ADORA3: variants seen among roughly 807,000 people sequenced by gnomAD.
ADORA3 encodes adenosine receptor A3.
In ADORA3, 3 loss-of-function variants were observed where a neutral mutation model predicts 5.7. The observed-to-expected ratio is 0.52, with a 90% CI of 0.24 to 1.35. ADORA3 has a LOEUF of 1.35. ADORA3 is among the 40% of genes most tolerant of loss of function. ADORA3 has a pLI of 0.17. For synonymous variants in ADORA3, 168 were observed against 152.3 expected (o/e 1.10, Z -0.76); for missense variants, 343 against 389.0 (o/e 0.88, Z 0.99).
At position 111,503,127 on chromosome 1, in the gene ADORA3, G is replaced by T; in HGVS notation, c.228C>A (p.Ile76=). 6.2e-7 allele frequency: 1 copy of T among 1,614,208 alleles called. No individual in the cohort carries two copies. Among genetic ancestry groups the T allele is most frequent in the Non-Finnish European group, 8.5e-7 (1 of 1,180,036 alleles). ...MPLAIVVSLG[I]TIHFYSCLFM... ...AAAGGCAGCTGTAGAAGTGGATTGTGATGCCCAGGCTGACAACAATGGCCA... is the reference window on the plus strand; with the variant it reads ...AAAGGCAGCTGTAGAAGTGGATTGTTATGCCCAGGCTGACAACAATGGCCA... The change falls in exon 1 of 2, where the codon ATC becomes ATA. Residue 76 remains isoleucine (I), a synonymous_variant. Coordinates refer to ENST00000241356, the MANE Select transcript of ADORA3 (RefSeq NM_000677.4).
chr1:111,502,121 T>C (rs1412226858), intron 1 of ADORA3, among the ~76,000 whole-genome samples: 1 of 97,116 alleles, frequency 1.0e-5, no homozygotes, highest in Admixed American at 1.6e-4. Flanking sequence ...ATAATAAATA[T>C]ATAGGATATA....
chr1:111,502,037 G>GAT (rs1245467928), intron 1 of ADORA3, among the ~76,000 whole-genome samples: 9 of 133,448 alleles, frequency 6.7e-5, no homozygotes, highest in Non-Finnish European at 1.3e-4. Context: ...TTATATATAG[G>GAT]ATATATATTT....
chr1:111,502,923 T>C, intron 1 of ADORA3, 82 bp downstream of exon 1: 9 of 1,522,028 alleles, frequency 5.9e-6, no homozygotes, highest in Non-Finnish European at 8.0e-6. Context: ...GATACATTTT[T>C]ACTCAAAAAG....
Position 111,503,519 on chromosome 1 carries a change from T to A in ADORA3, c.-165A>T, listed in dbSNP as rs2100985534. The A allele has an allele frequency of 2.1e-6, 3 of 1,431,544 alleles. No individual in the cohort carries two copies. The highest frequency in any genetic ancestry group is 9.1e-7 in the Non-Finnish European group (1 of 1,095,260). 88.7% of individuals were successfully genotyped at this position (1,431,544 alleles called of 1,614,324 possible). A position where few individuals can be genotyped will look rare whatever the true frequency, so the allele number is the denominator to read the frequency against. ...CCTACCCTTTTCTGGTGGGGTGATC[T>A]CTTGGAAACCCTTCTCCTTAGAAAG... On this transcript the variant is annotated 5_prime_UTR_variant, in exon 1 of 2. Coordinates refer to ENST00000241356, the MANE Select transcript of ADORA3 (RefSeq NM_000677.4).
At chr1:111,500,823 T>C (rs1012372170) in intron 1 of ADORA3, 2 of 535,858 alleles carry the variant, frequency 3.7e-6, no homozygotes, top group Admixed American at 6.8e-5. Context: ...AACTCTTGAA[T>C]GGATAAGGAG....
chr1:111,502,240 G>GAT lies in ADORA3; in HGVS notation c.350+763_350+764dup, dbSNP rs1353746175. On this transcript the variant is annotated intron_variant, in intron 1 of 1. Transcript: ENST00000241356. ...TATATTTATTATAATGAATATATAG[G>GAT]ATATATTTATTATAATAAATATATA... is the stretch of plus-strand genomic sequence containing the variant. Among the ~76,000 whole-genome samples, 165 of 20,092 alleles carry GAT rather than the reference G, an allele frequency of 8.2e-3. 23 individuals carry two copies. The highest frequency in any genetic ancestry group is 0.12 in the Middle Eastern group (2 of 16). 13.2% of individuals were successfully genotyped at this position (20,092 alleles called of 152,430 possible).
At position 111,503,412 on chromosome 1, in the gene ADORA3, G is replaced by C; in HGVS notation, c.-58C>G. The stretch of plus-strand genomic sequence containing the variant: ...GGTGAGCCAGCAAGATCCGTCTGTA[G>C]GGCCAGTGGGCCTAGCTCTCGCCAG... On this transcript the variant is annotated 5_prime_UTR_variant, in exon 1 of 2. Transcript: ENST00000241356. 6.5e-7 allele frequency: 1 copy of C among 1,536,946 alleles called. No homozygotes were observed.
At chr1:111,500,906 C>G in intron 1 of ADORA3, 1 of 382,398 alleles carries the variant, frequency 2.6e-6, no homozygotes, top group Non-Finnish European at 4.6e-6. Flanking sequence ...CAACTGTTAC[C>G]TATCTTTTCT....
intron 1 of ADORA3, 102 bp downstream of exon 1, chr1:111,502,903 G>A (rs1571416834): frequency 7.0e-7 from 1 of 1,430,688 alleles, no homozygotes; most frequent in African/African-American, 1.4e-5. Flanking sequence ...CAACATCAAG[G>A]GCCAATTTGG....
rs182504753 is a variant in ADORA3, at chr1:111,499,540, C to G, written c.*410G>C. 9.9e-7 allele frequency: 1 copy of G among 1,006,878 alleles called. No homozygotes were observed. The highest frequency in any genetic ancestry group is 1.2e-6 in the Non-Finnish European group (1 of 841,568). The allele number at this position is 1,006,878 out of a possible 1,614,324, so 62.4% of individuals were successfully genotyped here. ...TTCCCAACATCTCCTAGGCATCCTC[C>G]GAGAGCAGGTTCTCTGCTCAATTCC... On this transcript the variant is annotated 3_prime_UTR_variant, in exon 2 of 2. Transcript: ENST00000241356.
chr1:111,500,563 G>A lies in ADORA3; in HGVS notation c.351-7C>T. ...AGTGGTGACCCTCTTGTATCTGTGT[G>A]AATGAAGAGAGTCAGTGAGTCCACA... On this transcript the variant is annotated splice_region_variant and splice_polypyrimidine_tract_variant and intron_variant, in intron 1 of 1. Transcript: ENST00000241356. 6.2e-7 allele frequency: 1 copy of A among 1,612,818 alleles called. No homozygotes were observed. The highest frequency in any genetic ancestry group is 8.5e-7 in the Non-Finnish European group (1 of 1,179,004).
chr1:111,500,323 G>T lies in ADORA3; in HGVS notation c.584C>A (p.Ala195Asp), dbSNP rs753758361. The change falls in exon 2 of 2, where the codon GCC (alanine) becomes GAC (aspartate). Residue 195 changes from alanine to aspartate, a missense_variant. By Grantham distance (126) the Ala-to-Asp change is moderately radical. Transcript: ENST00000241356. ...WIFIPLVVMCAIYLDIFYIIR... is the reference protein window; with the variant it reads ...WIFIPLVVMCDIYLDIFYIIR... Reference sequence around the variant, plus strand: ...GATGTAAAAGATGTCAAGATAGATGGCGCACATGACAACCAGGGGGATGAA... The same window carrying T: ...GATGTAAAAGATGTCAAGATAGATGTCGCACATGACAACCAGGGGGATGAA... 1 of 1,614,216 alleles carries T rather than the reference G, an allele frequency of 6.2e-7. No individual in the cohort carries two copies. The highest frequency in any genetic ancestry group is 1.1e-5 in the South Asian group (1 of 91,080).
chr1:111,503,067 G>A lies in ADORA3; in HGVS notation c.288C>T (p.Ala96=), dbSNP rs76361150. 4.1e-4 allele frequency: 666 copies of A among 1,614,246 alleles called. 1 individual carries two copies. Among genetic ancestry groups the A allele is most frequent in the Non-Finnish European group, 5.3e-4 (631 of 1,180,054 alleles). Residue 96 remains alanine, a synonymous_variant, in exon 1 of 2, where the codon GCC becomes GCT. Transcript: ENST00000241356. ...CGATGGCCAGCAAGGACATGATGGA[G>A]GCGTGGGTAAAGATAAGCAGTAGGC... The part of the protein sequence containing the change: ...MTCLLLIFTH[A]SIMSLLAIAV...
At chr1:111,502,267 G>C (rs1439935919) in intron 1 of ADORA3, among the ~76,000 whole-genome samples, 1 of 66,164 alleles carries the variant, frequency 1.5e-5, no homozygotes, top group African/African-American at 5.7e-5. Flanking sequence ...AAATATATAG[G>C]ATATATATTC....
Position 111,503,226 on chromosome 1 carries a change from C to A in ADORA3, c.129G>T (p.Leu43=). Residue 43 remains leucine (L), a synonymous_variant, in exon 1 of 2, where the codon CTG becomes CTT. Transcript: ENST00000241356. ...VICVVKLNPS[L]QTTTFYFIVS... ...CAATGAAATAGAAGGTGGTGGTCTG[C>A]AGGCTGGGGTTCAGCTTGACCACGC... 6.2e-7 allele frequency: 1 copy of A among 1,614,234 alleles called. No homozygotes were observed. The highest frequency in any genetic ancestry group is 1.7e-5 in the Admixed American group (1 of 60,020).
chr1:111,503,624 T>C lies in ADORA3; in HGVS notation c.-270A>G. 8.1e-7 allele frequency: 1 copy of C among 1,229,412 alleles called. No individual in the cohort carries two copies. Among genetic ancestry groups the C allele is most frequent in the Non-Finnish European group, 1.0e-6 (1 of 975,942 alleles). 76.2% of individuals were successfully genotyped at this position (1,229,412 alleles called of 1,614,324 possible). A position where few individuals can be genotyped will look rare whatever the true frequency, so the allele number is the denominator to read the frequency against. On this transcript the variant is annotated 5_prime_UTR_variant, in exon 1 of 2. It adds an upstream start codon to the 5' untranslated region. Coordinates refer to ENST00000241356, the MANE Select transcript of ADORA3 (RefSeq NM_000677.4). ...TTTCCAGAATGCTGTAGGACAGCTC[T>C]ATATGGACTGAATCTGAAAGTGCTG...
At chr1:111,501,707 G>C (rs943308675) in intron 1 of ADORA3, among the ~76,000 whole-genome samples, 3 of 152,130 alleles carry the variant, frequency 2.0e-5, no homozygotes, top group Non-Finnish European at 4.4e-5. Context: ...CGTAACCACT[G>C]TGATACAGAG....
rs931873034 is a variant in ADORA3, at chr1:111,500,299, A to G, written c.608T>C (p.Ile203Thr). 1.2e-6 allele frequency: 2 copies of G among 1,614,240 alleles called. No individual in the cohort carries two copies. Among genetic ancestry groups the G allele is most frequent in the Non-Finnish European group, 1.7e-6 (2 of 1,180,042 alleles). The change falls in exon 2 of 2, where the codon ATC (isoleucine) becomes ACC (threonine). Residue 203 changes from isoleucine (I) to threonine (T), a missense_variant. Transcript: ENST00000241356. The part of the protein sequence containing the change: ...MCAIYLDIFY[I>T]IRNKLSLNLS... Reference sequence around the variant, plus strand: ...GTTCAGACTGAGTTTGTTCCGAATGATGTAAAAGATGTCAAGATAGATGGC... The same window carrying G: ...GTTCAGACTGAGTTTGTTCCGAATGGTGTAAAAGATGTCAAGATAGATGGC...
At chr1:111,502,213 TATATATTTATTATAATGAATATATAGG>T (rs1655246428) in intron 1 of ADORA3, among the ~76,000 whole-genome samples, 1 of 35,506 alleles carries the variant, frequency 2.8e-5, no homozygotes, top group Non-Finnish European at 6.0e-5. Context: ...ATATATAGGA[TATATATTTATTATAATGAATATATAGG>T]ATATATTTAT....
Sources: allele counts gnomAD v4.1 joint callset (sites outside exome capture counted in the v4.1 genomes callset), GRCh38; gene constraint gnomAD v4.1.1; transcripts MANE v1.5; gene names NCBI Gene and HGNC (gene_info 2026-07-23, HGNC 2026-07-21).